Variants in DPY19L4 observed in about 807,000 individuals in gnomAD.
DPY19L4 encodes the protein dpy-19 like 4.
In DPY19L4, 97 loss-of-function variants were observed where a neutral mutation model predicts 102.8. The ratio of observed to expected loss-of-function variants is 0.94; its 90% CI spans 0.80 to 1.12. DPY19L4 has a LOEUF of 1.12. Among genes scored for constraint, DPY19L4 ranks in the 50% most tolerant of loss-of-function variants. The pLI, the probability that DPY19L4 is intolerant of heterozygous loss-of-function variation, is 0.00. For synonymous variants in DPY19L4, 252 were observed against 283.1 expected (o/e 0.89, Z 1.10); for missense variants, 815 against 850.4 (o/e 0.96, Z 0.52).
chr8:94,765,188 T>C lies in DPY19L4; in HGVS notation c.876T>C (p.Tyr292=), dbSNP rs772434466. The C allele has an allele frequency of 6.7e-7, 1 of 1,502,326 alleles. No homozygotes were observed. Among genetic ancestry groups the C allele is most frequent in the Non-Finnish European group, 9.1e-7 (1 of 1,097,176 alleles). 93.1% of individuals were successfully genotyped at this position (1,502,326 alleles called of 1,614,324 possible). Residue 292 remains tyrosine (Y), a synonymous_variant, in exon 9 of 19, where the codon TAT becomes TAC. Transcript: ENST00000414645. ...TFSVEQSDKV[Y]EVYKIYIFSL... ...TTTTATTTTTGTCACAACAGGTTTA[T>C]GAAGTTTATAAAATCTACATATTTT...
rs762081906 is a variant in DPY19L4 at position 94,765,235 on chromosome 8, T to C, written c.923T>C (p.Leu308Pro). The C allele has an allele frequency of 8.1e-6, 13 of 1,607,598 alleles. 1 individual carries two copies. In the South Asian group the frequency reaches 1.3e-4, roughly 17 times the overall value. ...TTTTCCCTCTTTCTGGGATATTTACTACAGTTTGAGAATCCAGCTTTGTTG... is the reference window on the plus strand; with the variant it reads ...TTTTCCCTCTTTCTGGGATATTTACCACAGTTTGAGAATCCAGCTTTGTTG... ...YIFSLFLGYL[L>P]QFENPALLVS... Residue 308 changes from leucine to proline, a missense_variant, in exon 9 of 19, where the codon CTA becomes CCA. Leu to Pro is a moderately conservative substitution (Grantham distance 98). Transcript: ENST00000414645.
At position 94,761,841 on chromosome 8, in the gene DPY19L4, T is replaced by C; in HGVS notation, c.870+7T>C. ...AGTGGAGCAAAGTGACAAGGTATTATGGCATTTTGAAATGGTGATTTTTAA... is the reference window on the plus strand; with the variant it reads ...AGTGGAGCAAAGTGACAAGGTATTACGGCATTTTGAAATGGTGATTTTTAA... On this transcript the variant is annotated splice_region_variant and intron_variant, in intron 8 of 18. Transcript: ENST00000414645. The C allele has an allele frequency of 1.9e-6, 3 of 1,591,240 alleles. No homozygotes were observed. The highest frequency in any genetic ancestry group is 2.2e-5 in the East Asian group (1 of 44,488).
chr8:94,733,634 C>A (rs568590785), intron 2 of DPY19L4, among the ~76,000 whole-genome samples: 1 of 151,420 alleles, frequency 6.6e-6, no homozygotes, highest in Non-Finnish European at 1.5e-5. Flanking sequence ...CTCCGCCTCC[C>A]AGGTTCAAGT....
chr8:94,736,754 G>A (rs951924212), intron 3 of DPY19L4, among the ~76,000 whole-genome samples: 1 of 152,170 alleles, frequency 6.6e-6, no homozygotes, highest in Non-Finnish European at 1.5e-5. Context: ...TTAAGTATCT[G>A]CTGCTCTTGC....
At position 94,781,185 on chromosome 8, in the gene DPY19L4, A is replaced by G; in HGVS notation, c.1715+19A>G. ...GGATAAAGTAAGGATTGAAGTGCCC[A>G]AGACTATTATTAAGCTATTAATTAA... On this transcript the variant is annotated intron_variant, in intron 16 of 18. Transcript: ENST00000414645. 1 of 1,544,898 alleles carries G rather than the reference A, an allele frequency of 6.5e-7. No homozygotes were observed. Among genetic ancestry groups the G allele is most frequent in the East Asian group, 2.3e-5 (1 of 43,500 alleles).
chr8:94,720,088 C>G, intron 1 of DPY19L4, 74 bp downstream of exon 1: 1 of 1,496,362 alleles, frequency 6.7e-7, no homozygotes, highest in Non-Finnish European at 8.9e-7. Context: ...CGCTGGAGGT[C>G]TGGGTTGGAG....
intron 8 of DPY19L4, among the ~76,000 whole-genome samples, chr8:94,763,935 G>A (rs11987988): frequency 0.46 from 70,475 of 151,956 alleles, 18,491 homozygotes; most frequent in African/African-American, 0.73. Context: ...CTGCCTCCCA[G>A]CGTGCTGGGA....
intron 17 of DPY19L4, among the ~76,000 whole-genome samples, chr8:94,787,287 C>T (rs1468390942): frequency 1.3e-5 from 2 of 151,854 alleles, no homozygotes; most frequent in African/African-American, 2.4e-5. Context: ...TAGGATAGAA[C>T]CATTCCCACT....
At chr8:94,720,583 AATT>A (rs922326696) in intron 1 of DPY19L4, among the ~76,000 whole-genome samples, 1 of 152,142 alleles carries the variant, frequency 6.6e-6, no homozygotes, top group Non-Finnish European at 1.5e-5. Context: ...AGAGCCATCT[AATT>A]ATTATAGTTT....
At position 94,729,767 on chromosome 8, in the gene DPY19L4, T is replaced by A. The variant is rs1169602603; in HGVS notation, c.127+3326T>A. ...GATTGCTTAAGCCTGAGAAGTGGTG[T>A]TTGCAGTGAGCCAGGATCACGCCAC... is the stretch of plus-strand genomic sequence containing the variant. On this transcript the variant is annotated intron_variant, in intron 2 of 18. Transcript: ENST00000414645. Among the ~76,000 whole-genome samples, 572 of 144,378 alleles carry A rather than the reference T, an allele frequency of 4.0e-3. 6 individuals carry two copies. Among genetic ancestry groups the A allele is most frequent in the African/African-American group, 0.014 (541 of 38,910 alleles). 94.7% of individuals were successfully genotyped at this position (144,378 alleles called of 152,430 possible). A position where few individuals can be genotyped will look rare whatever the true frequency, so the allele number is the denominator to read the frequency against.
chr8:94,777,821 T>C, intron 14 of DPY19L4, 35 bp downstream of exon 14: 3 of 1,578,876 alleles, frequency 1.9e-6, no homozygotes, highest in Non-Finnish European at 2.6e-6. Context: ...CTCTTCTAAT[T>C]ATATAAAATC....
At chr8:94,753,293 C>T (rs928769753) in intron 6 of DPY19L4, among the ~76,000 whole-genome samples, 1 of 151,884 alleles carries the variant, frequency 6.6e-6, no homozygotes, top group Admixed American at 6.6e-5. Flanking sequence ...GTTTAAAAAG[C>T]AGAATGTAAA....
At chr8:94,748,095 A>G (rs7837249) in intron 6 of DPY19L4, among the ~76,000 whole-genome samples, 42,763 of 152,002 alleles carry the variant, frequency 0.28, 8,714 homozygotes, top group African/African-American at 0.58. Flanking sequence ...CTCCCACCAC[A>G]CATTGTCAGG....
At chr8:94,727,128 G>C (rs1262658942) in intron 2 of DPY19L4, among the ~76,000 whole-genome samples, 1 of 152,180 alleles carries the variant, frequency 6.6e-6, no homozygotes, top group Non-Finnish European at 1.5e-5. Context: ...CAGGTTATCT[G>C]TTTTATGTCG....
intron 2 of DPY19L4, among the ~76,000 whole-genome samples, chr8:94,734,303 TC>T (rs1381469569): frequency 6.6e-6 from 1 of 152,162 alleles, no homozygotes; most frequent in Non-Finnish European, 1.5e-5. Flanking sequence ...TGCCTTGGCC[TC>T]CCAAAGTGCC....
chr8:94,742,001 A>C (rs1195816508), intron 6 of DPY19L4, among the ~76,000 whole-genome samples: 1 of 152,220 alleles, frequency 6.6e-6, no homozygotes, highest in Non-Finnish European at 1.5e-5. Flanking sequence ...CTAAAATTCT[A>C]TTAGGATTTA....
intron 1 of DPY19L4, 71 bp downstream of exon 1, chr8:94,720,085 G>T: frequency 6.7e-7 from 1 of 1,498,522 alleles, no homozygotes; most frequent in Non-Finnish European, 8.9e-7. Context: ...GGGCGCTGGA[G>T]GTCTGGGTTG....
At chr8:94,777,957 G>A (rs771408029) in intron 14 of DPY19L4, among the ~76,000 whole-genome samples, 171 bp downstream of exon 14, 2 of 152,140 alleles carry the variant, frequency 1.3e-5, no homozygotes, top group Non-Finnish European at 2.9e-5. Context: ...TGGGCTGGAC[G>A]CGGTGGCTCA....
chr8:94,728,692 A>G (rs1810800654), intron 2 of DPY19L4, among the ~76,000 whole-genome samples: 2 of 152,244 alleles, frequency 1.3e-5, no homozygotes, highest in Admixed American at 1.3e-4. Context: ...TGAACAGTTG[A>G]CAATACTATT....
Sources: gnomAD v4.1 joint callset for allele counts (sites outside exome capture counted in the v4.1 genomes callset) on GRCh38, gnomAD v4.1.1 for gene constraint, MANE v1.5 for transcripts, NCBI Gene and HGNC (gene_info 2026-07-23, HGNC 2026-07-21) for gene names.